CNTNAP2: variants seen among roughly 807,000 people sequenced by gnomAD.
CNTNAP2 encodes contactin associated protein 2.
CNTNAP2 carries 98 observed loss-of-function variants against 155.2 expected under a neutral mutation model. That is an observed-to-expected ratio of 0.63 (90% CI 0.54 to 0.75). The LOEUF (loss-of-function observed/expected upper bound fraction) is 0.75, where lower values mean the gene tolerates loss of function less well. Ranked by LOEUF, CNTNAP2 falls within the 30% of genes least tolerant of loss-of-function variation. The pLI is 0.00. For synonymous variants in CNTNAP2, 651 were observed against 631.2 expected (o/e 1.03, Z -0.47); for missense variants, 1,727 against 1,688.1 (o/e 1.02, Z -0.40).
At chr7:146,843,819 T>C (rs1214484389) in intron 3 of CNTNAP2, among the ~76,000 whole-genome samples, 1 of 152,120 alleles carries the variant, frequency 6.6e-6, no homozygotes, top group Non-Finnish European at 1.5e-5. Context: ...CTTAACATTA[T>C]GTATACTGGA....
intron 17 of CNTNAP2, among the ~76,000 whole-genome samples, chr7:148,148,590 T>A (rs1365329855): frequency 1.3e-5 from 2 of 152,258 alleles, no homozygotes; most frequent in African/African-American, 4.8e-5. Flanking sequence ...ACTTGGTTGC[T>A]GTTCATATTC....
At chr7:146,469,839 A>AT (rs55827136) in intron 1 of CNTNAP2, among the ~76,000 whole-genome samples, 3,640 of 85,398 alleles carry the variant, frequency 0.043, 88 homozygotes, top group Middle Eastern at 0.12. Context: ...CTTAATTGAC[A>AT]TTTTTTTTTT....
intron 1 of CNTNAP2, among the ~76,000 whole-genome samples, chr7:146,598,706 G>A (rs552168685): frequency 1.2e-4 from 18 of 151,946 alleles, no homozygotes; most frequent in Admixed American, 6.6e-4. Flanking sequence ...AAATTAGAGC[G>A]CCTCAGATTT....
At chr7:148,236,727 C>A (rs1175774701) in intron 20 of CNTNAP2, among the ~76,000 whole-genome samples, 1 of 152,216 alleles carries the variant, frequency 6.6e-6, no homozygotes, top group African/African-American at 2.4e-5. Flanking sequence ...GTTCTGCAGG[C>A]TGTACAAGAC....
chr7:148,292,415 TA>T (rs1320598406), intron 21 of CNTNAP2, among the ~76,000 whole-genome samples: 3 of 152,200 alleles, frequency 2.0e-5, no homozygotes, highest in Non-Finnish European at 4.4e-5. Flanking sequence ...CCAAAGAGGT[TA>T]AAGCTGATGG....
intron 13 of CNTNAP2, among the ~76,000 whole-genome samples, chr7:147,822,652 T>C (rs1391685377): frequency 6.6e-6 from 1 of 152,158 alleles, no homozygotes; most frequent in African/African-American, 2.4e-5. Flanking sequence ...CCTTGACTGA[T>C]TCCACTGCAT....
intron 9 of CNTNAP2, among the ~76,000 whole-genome samples, chr7:147,304,063 T>C (rs544065913): frequency 9.5e-4 from 145 of 152,342 alleles, no homozygotes; most frequent in Non-Finnish European, 1.6e-3. Flanking sequence ...CCCGGTTGTG[T>C]AGCTTTCTTT....
intron 14 of CNTNAP2, among the ~76,000 whole-genome samples, chr7:147,941,573 G>C (rs929690275): frequency 2.0e-5 from 3 of 152,198 alleles, no homozygotes; most frequent in African/African-American, 7.2e-5. Flanking sequence ...AAATCACTCT[G>C]TGAATGGCAG....
At chr7:147,493,956 C>T (rs1043460306) in intron 11 of CNTNAP2, among the ~76,000 whole-genome samples, 1 of 152,100 alleles carries the variant, frequency 6.6e-6, no homozygotes, top group African/African-American at 2.4e-5. Context: ...ATATGGTTTT[C>T]AATAGAATAT....
At chr7:146,325,581 TG>T (rs1801083750) in intron 1 of CNTNAP2, among the ~76,000 whole-genome samples, 1 of 151,976 alleles carries the variant, frequency 6.6e-6, no homozygotes, top group South Asian at 2.1e-4. Context: ...GACAGACAGA[TG>T]GACACGCCCC....
intron 3 of CNTNAP2, among the ~76,000 whole-genome samples, chr7:146,900,019 T>A (rs1350085021): frequency 6.6e-6 from 1 of 152,186 alleles, no homozygotes; most frequent in Non-Finnish European, 1.5e-5. Flanking sequence ...GAGCTGGAAA[T>A]CAGTTATATT....
intron 1 of CNTNAP2, among the ~76,000 whole-genome samples, chr7:146,453,298 A>T (rs1257127667): frequency 6.6e-6 from 1 of 152,240 alleles, no homozygotes; most frequent in Non-Finnish European, 1.5e-5. Flanking sequence ...TTATTCCCAC[A>T]ATCCAGAGAG....
chr7:147,011,069 A>G (rs1215084373), intron 3 of CNTNAP2, among the ~76,000 whole-genome samples: 2 of 152,050 alleles, frequency 1.3e-5, no homozygotes, highest in African/African-American at 4.8e-5. Flanking sequence ...TGAGGAATCA[A>G]AAGACAAACC....
chr7:148,276,421 C>T (rs1360101365), intron 21 of CNTNAP2, among the ~76,000 whole-genome samples: 1 of 152,204 alleles, frequency 6.6e-6, no homozygotes, highest in African/African-American at 2.4e-5. Flanking sequence ...CCAACCAAGG[C>T]AGGAGGAAGC....
At chr7:147,286,586 A>G (rs1358998733) in intron 8 of CNTNAP2, among the ~76,000 whole-genome samples, 1 of 152,182 alleles carries the variant, frequency 6.6e-6, no homozygotes, top group Non-Finnish European at 1.5e-5. Flanking sequence ...TTAAAGAATG[A>G]TGAATTATAT....
intron 14 of CNTNAP2, among the ~76,000 whole-genome samples, chr7:147,928,242 A>T (rs1800434639): frequency 6.6e-6 from 1 of 152,192 alleles, no homozygotes; most frequent in South Asian, 2.1e-4. Flanking sequence ...TCGGGTAATT[A>T]GCAGCATGAG....
intron 18 of CNTNAP2, among the ~76,000 whole-genome samples, chr7:148,198,847 C>T (rs1432663229): frequency 6.6e-6 from 1 of 152,194 alleles, no homozygotes; most frequent in Non-Finnish European, 1.5e-5. Context: ...TCCTTCTCAC[C>T]CTGGTGGATA....
intron 13 of CNTNAP2, among the ~76,000 whole-genome samples, chr7:147,876,625 C>T (rs1018006406): frequency 2.7e-5 from 3 of 112,508 alleles, no homozygotes; most frequent in Non-Finnish European, 5.7e-5. Flanking sequence ...CTTCCTTTCC[C>T]TCCACATTTT....
chr7:147,065,432 T>C (rs1799759920), intron 4 of CNTNAP2, among the ~76,000 whole-genome samples: 1 of 152,162 alleles, frequency 6.6e-6, no homozygotes, highest in Non-Finnish European at 1.5e-5. Context: ...ATTCAGAAAT[T>C]GGGGCAGTGT....
Sources: gnomAD v4.1 joint callset for allele counts (sites outside exome capture counted in the v4.1 genomes callset) on GRCh38, gnomAD v4.1.1 for gene constraint, MANE v1.5 for transcripts, NCBI Gene and HGNC (gene_info 2026-07-23, HGNC 2026-07-21) for gene names.